COL6A5: variants seen among roughly 807,000 people sequenced by gnomAD.
The protein encoded by COL6A5 is collagen type VI alpha 5 chain, also known as collagen alpha-5(VI) chain.
COL6A5 carries 48 observed loss-of-function variants against 65.6 expected under a neutral mutation model. The observed-to-expected ratio is 0.73, with a 90% CI of 0.58 to 0.93. COL6A5 has a LOEUF of 0.93. Ranked by LOEUF, COL6A5 falls within the 40% of genes least tolerant of loss-of-function variation. The probability of loss-of-function intolerance (pLI) is 0.00; values close to 1 mark genes in which losing one functional copy is unlikely to be tolerated. For missense variants in COL6A5, 914 were observed against 928.3 expected (o/e 0.98, Z 0.20); for synonymous variants, 291 against 322.8 (o/e 0.90, Z 1.05).
chr3:130,386,225 A>T (rs142061588), intron 5 of COL6A5, among the ~76,000 whole-genome samples: 23 of 152,170 alleles, frequency 1.5e-4, no homozygotes, highest in African/African-American at 4.3e-4. Context: ...ACCACTGATT[A>T]GCCACGACCT....
intron 1 of COL6A5, among the ~76,000 whole-genome samples, chr3:130,368,795 C>T (rs146467569): frequency 1.2e-3 from 185 of 152,222 alleles, no homozygotes; most frequent in African/African-American, 4.1e-3. Flanking sequence ...GATGGACAGC[C>T]AGCACAGGAA....
chr3:130,414,397 AC>A (rs1450385342), intron 22 of COL6A5, among the ~76,000 whole-genome samples: 1 of 152,064 alleles, frequency 6.6e-6, no homozygotes, highest in African/African-American at 2.4e-5. Context: ...AATGATTAAT[AC>A]CTTCATATTA....
At chr3:130,424,546 A>G (rs766704233) in intron 29 of COL6A5, among the ~76,000 whole-genome samples, 30 of 152,074 alleles carry the variant, frequency 2.0e-4, no homozygotes, top group Middle Eastern at 3.2e-3. Context: ...TTTGTGGTGG[A>G]GACCCAGGCA....
At chr3:130,435,354 A>T (rs1320780021) in intron 1 of COL6A5, among the ~76,000 whole-genome samples, 1 of 152,140 alleles carries the variant, frequency 6.6e-6, no homozygotes, top group East Asian at 1.9e-4. Context: ...CTTGTAGTAT[A>T]GTTTGAAGTC....
At chr3:130,473,235 A>G (rs1317406344) in intron 7 of COL6A5, among the ~76,000 whole-genome samples, 1 of 152,070 alleles carries the variant, frequency 6.6e-6, no homozygotes, top group Non-Finnish European at 1.5e-5. Flanking sequence ...GGCTCTGAAA[A>G]GTAAGCAAAA....
intron 7 of COL6A5, chr3:130,476,858 A>G (rs940341733): frequency 1.5e-6 from 1 of 677,630 alleles, no homozygotes; most frequent in Non-Finnish European, 2.7e-6. Context: ...GAAATAAATG[A>G]TGTCTTTAAT....
exon 6 of COL6A5, chr3:130,389,038 A>T: frequency 4.0e-6 from 6 of 1,514,810 alleles, no homozygotes; most frequent in Non-Finnish European, 5.3e-6. Context: ...GCTAGAAGAG[A>T]TCAGTGGGGA....
chr3:130,467,577 T>C (rs1214941644), intron 5 of COL6A5, among the ~76,000 whole-genome samples: 2 of 152,032 alleles, frequency 1.3e-5, no homozygotes, highest in East Asian at 3.9e-4. Context: ...TGTTAGCAAG[T>C]TAAATCCAAC....
At chr3:130,467,335 G>A (rs1709840959) in intron 5 of COL6A5, among the ~76,000 whole-genome samples, 1 of 151,814 alleles carries the variant, frequency 6.6e-6, no homozygotes, top group Admixed American at 6.6e-5. Context: ...GTGTTCTCAT[G>A]GTTAATAATA....
rs578001713 is a variant in COL6A5, at chr3:130,474,750, G to C, written c.2328+3783G>C. ...AGGCTGAGTGCAGTGGCTCACACCT[G>C]TAATTCTGGCACTTTGGGAAGCTGA... On this transcript the variant is annotated intron_variant, in intron 7 of 7. Coordinates refer to ENST00000512836, the Ensembl canonical transcript of COL6A5. Among the ~76,000 whole-genome samples, 8 of 152,124 alleles carry C rather than the reference G, an allele frequency of 5.3e-5. No individual in the cohort carries two copies. The South Asian group carries it at 1.7e-3, about 32-fold the overall frequency.
chr3:130,389,255 T>C (rs916214909), intron 6 of COL6A5, 121 bp downstream of exon 6: 1 of 567,444 alleles, frequency 1.8e-6, no homozygotes, highest in African/African-American at 1.9e-5. Context: ...GTTTTGGTCT[T>C]CTTTATGTAA....
Position 130,405,595 on chromosome 3 carries a change from G to A in COL6A5, c.4289G>A (p.Arg1430Gln), listed in dbSNP as rs762054573. 110 of 1,550,602 alleles carry A rather than the reference G, an allele frequency of 7.1e-5. No individual in the cohort carries two copies. Among genetic ancestry groups the A allele is most frequent in the Middle Eastern group, 3.3e-4 (2 of 6,010 alleles). Residue 1430 changes from arginine (R) to glutamine (Q), a missense_variant and NMD_transcript_variant, in exon 14 of 42, where the codon CGA becomes CAA. Arg to Gln is a conservative substitution (Grantham distance 43, BLOSUM62 1). Transcript: ENST00000312481. ...CTGTGCTCCTTTTCTTAGGGAGTACGAGGAGACACAGGACCCCAAGGAGAC... is the reference window on the plus strand; with the variant it reads ...CTGTGCTCCTTTTCTTAGGGAGTACAAGGAGACACAGGACCCCAAGGAGAC...
chr3:130,414,127 C>G, exon 22 of COL6A5: 2 of 1,549,138 alleles, frequency 1.3e-6, no homozygotes, highest in African/African-American at 2.7e-5. Flanking sequence ...TTACAAGGCC[C>G]ACAGGTGTGT....
At chr3:130,362,306 ATATATATATATATATATATATTTTTTT>A (rs1375007920) in intron 1 of COL6A5, among the ~76,000 whole-genome samples, 813 of 19,554 alleles carry the variant, frequency 0.042, 40 homozygotes, top group African/African-American at 0.083. Context: ...ATATATATAT[ATATATATATATATATATATATTTTTTT>A]TTTTTTTTTT....
chr3:130,414,161 A>C, intron 22 of COL6A5, 30 bp downstream of exon 22: 1 of 1,474,454 alleles, frequency 6.8e-7, no homozygotes, highest in South Asian at 1.2e-5. Flanking sequence ...AAATATTGAT[A>C]AATGCTGTAA....
At chr3:130,459,509 A>G (rs1377435351) in intron 5 of COL6A5, among the ~76,000 whole-genome samples, 1 of 152,090 alleles carries the variant, frequency 6.6e-6, no homozygotes, top group Non-Finnish European at 1.5e-5. Flanking sequence ...ACTGGAGGAC[A>G]CTACTGGCAT....
intron 8 of COL6A5, among the ~76,000 whole-genome samples, chr3:130,396,492 C>A (rs1292605964): frequency 6.6e-6 from 1 of 152,210 alleles, no homozygotes; most frequent in Non-Finnish European, 1.5e-5. Flanking sequence ...AAATGAACAA[C>A]CTGGGCAGGA....
At chr3:130,354,483 G>A (rs547049793) in intron 1 of COL6A5, among the ~76,000 whole-genome samples, 1 of 152,206 alleles carries the variant, frequency 6.6e-6, no homozygotes, top group East Asian at 1.9e-4. Context: ...AGTGTTTTCC[G>A]AGAACCAACA....
intron 3 of COL6A5, 92 bp downstream of exon 35, chr3:130,440,917 C>G: frequency 1.1e-6 from 1 of 930,986 alleles, no homozygotes; most frequent in South Asian, 1.7e-5. Context: ...TATAGCTAAT[C>G]TAAACATAAT....
Sources: allele counts gnomAD v4.1 joint callset (sites outside exome capture counted in the v4.1 genomes callset), GRCh38; gene constraint gnomAD v4.1.1; transcripts MANE v1.5; gene names NCBI Gene and HGNC (gene_info 2026-07-23, HGNC 2026-07-21).